PXDNL: variants seen among roughly 807,000 people sequenced by gnomAD.
The protein encoded by PXDNL is probable oxidoreductase PXDNL.
Under a neutral mutation model 150.8 loss-of-function variants are expected in PXDNL, and 145 were observed. The observed-to-expected ratio is 0.96, with a 90% CI of 0.84 to 1.10. PXDNL has a LOEUF of 1.10. PXDNL is among the 50% of genes least tolerant of loss of function. PXDNL has a pLI of 0.00. For synonymous variants in PXDNL, 757 were observed against 725.7 expected, an observed-to-expected ratio of 1.04 and a Z score of -0.69; for missense variants, 2,087 against 1,873.9, an observed-to-expected ratio of 1.11 and a Z score of -2.10.
At chr8:51,768,437 C>T (rs2037255612) in intron 1 of PXDNL, among the ~76,000 whole-genome samples, 1 of 152,014 alleles carries the variant, frequency 6.6e-6, no homozygotes, top group Admixed American at 6.6e-5. Flanking sequence ...GGTGACCTTT[C>T]TGCTATAATA....
At chr8:51,507,811 C>T (rs1811324897) in intron 4 of PXDNL, among the ~76,000 whole-genome samples, 1 of 152,136 alleles carries the variant, frequency 6.6e-6, no homozygotes, top group East Asian at 1.9e-4. Flanking sequence ...CAGGGTGTTG[C>T]TCAACGTCCT....
intron 21 of PXDNL, among the ~76,000 whole-genome samples, chr8:51,332,328 C>T (rs1031481628): frequency 6.6e-6 from 1 of 152,162 alleles, no homozygotes; most frequent in Admixed American, 6.5e-5. Context: ...ATCTGAACAA[C>T]AGCCTTCAGC....
At chr8:51,700,742 T>G (rs1382875421) in intron 1 of PXDNL, among the ~76,000 whole-genome samples, 7 of 149,690 alleles carry the variant, frequency 4.7e-5, no homozygotes, top group African/African-American at 1.7e-4. Context: ...ACACATACAC[T>G]TATACATACT....
At position 51,408,423 on chromosome 8, in the gene PXDNL, C is replaced by A; in HGVS notation, c.3201G>T (p.Leu1067=). The change falls in exon 17 of 23, where the codon CTG becomes CTT. Residue 1067 remains leucine (L), a synonymous_variant. Coordinates refer to ENST00000356297, the MANE Select transcript of PXDNL (RefSeq NM_144651.5). ...CGGAAATTTCACCTAAGGTGGCATT[C>A]AGTCGGTAAAGAATAGGATTGATTA... is the stretch of plus-strand genomic sequence containing the variant. ...HTLINPILYR[L]NATLGEISEG... The A allele has an allele frequency of 6.2e-7, 1 of 1,614,038 alleles. No individual in the cohort carries two copies. Among genetic ancestry groups the A allele is most frequent in the Non-Finnish European group, 8.5e-7 (1 of 1,179,890 alleles).
intron 4 of PXDNL, among the ~76,000 whole-genome samples, chr8:51,529,191 G>A (rs1264476688): frequency 6.6e-6 from 1 of 152,132 alleles, no homozygotes; most frequent in Non-Finnish European, 1.5e-5. Flanking sequence ...AAAAATATTT[G>A]TCAGAGTTTG....
chr8:51,513,620 CTATAAA>C (rs1811472407), intron 4 of PXDNL, among the ~76,000 whole-genome samples: 1 of 152,224 alleles, frequency 6.6e-6, no homozygotes, highest in Admixed American at 6.5e-5. Flanking sequence ...GAAACATTTT[CTATAAA>C]TATATTTTCT....
rs755926221 is a variant in PXDNL, at chr8:51,408,625, T to C, written c.2999A>G (p.Glu1000Gly). 19 of 1,609,806 alleles carry C rather than the reference T, an allele frequency of 1.2e-5. No homozygotes were observed. Among genetic ancestry groups the C allele is most frequent in the Non-Finnish European group, 1.2e-5 (14 of 1,178,152 alleles). ...CTCCGCGCCCACGATCTTCCTGGCT[T>C]CCTGGTAAACCGTGTTTCCCTCCCA... ...PHWEGNTVYQ[E>G]ARKIVGAELQ... The change falls in exon 17 of 23, where the codon GAA becomes GGA. Residue 1000 changes from glutamate (E) to glycine (G), a missense_variant. Glu to Gly is a moderately conservative substitution (Grantham distance 98). Transcript: ENST00000356297.
intron 2 of PXDNL, among the ~76,000 whole-genome samples, chr8:51,646,961 C>A (rs1814933845): frequency 6.6e-6 from 1 of 151,992 alleles, no homozygotes; most frequent in Non-Finnish European, 1.5e-5. Flanking sequence ...CCTGGGAGTG[C>A]AAATGTCTAT....
Position 51,320,893 on chromosome 8 carries a change from T to A in PXDNL, c.4151A>T (p.Asn1384Ile). 6.2e-7 allele frequency: 1 copy of A among 1,611,902 alleles called. No homozygotes were observed. Residue 1384 changes from asparagine (N) to isoleucine (I), a missense_variant, in exon 22 of 23, where the codon AAC (asparagine) becomes ATC (isoleucine). By Grantham distance (149) the Asn-to-Ile change is moderately radical. Coordinates refer to ENST00000356297, the MANE Select transcript of PXDNL (RefSeq NM_144651.5). ...ETITALREQINKLEARLRQAG... is the reference protein window; with the variant it reads ...ETITALREQIIKLEARLRQAG... Reference sequence around the variant, plus strand: ...CTGCCTCAGGCGTGCCTCCAGCTTGTTTATCTGAAAGGGGAGGCAAAGGAA... The same window carrying A: ...CTGCCTCAGGCGTGCCTCCAGCTTGATTATCTGAAAGGGGAGGCAAAGGAA...
At chr8:51,717,465 G>GGAC (rs1816637731) in intron 1 of PXDNL, among the ~76,000 whole-genome samples, 1 of 152,152 alleles carries the variant, frequency 6.6e-6, no homozygotes, top group African/African-American at 2.4e-5. Flanking sequence ...AGATAAAAGG[G>GGAC]GACACATCTG....
At chr8:51,362,608 AAT>A (rs1227126150) in intron 19 of PXDNL, among the ~76,000 whole-genome samples, 1 of 152,138 alleles carries the variant, frequency 6.6e-6, no homozygotes, top group Non-Finnish European at 1.5e-5. Context: ...CTGATGATAC[AAT>A]ATTTAGGTCT....
Position 51,806,131 on chromosome 8 carries a change from T to C in PXDNL, c.164+3050A>G, listed in dbSNP as rs144630187. Among the ~76,000 whole-genome samples, 204 of 152,338 alleles carry C rather than the reference T, an allele frequency of 1.3e-3. 1 individual carries two copies. The highest frequency in any genetic ancestry group is 4.7e-3 in the African/African-American group (195 of 41,580). On this transcript the variant is annotated intron_variant, in intron 1 of 22. Transcript: ENST00000356297. ...TTGGAGGGACAGTTTTGCATTTTTC[T>C]AAACTTAAAACCCTGATCAACTGTA...
At chr8:51,800,511 CT>C (rs2037607238) in intron 1 of PXDNL, among the ~76,000 whole-genome samples, 1 of 152,144 alleles carries the variant, frequency 6.6e-6, no homozygotes, top group Non-Finnish European at 1.5e-5. Context: ...CACAGGCAGA[CT>C]CAGTGTGGAG....
At chr8:51,342,097 T>A (rs972026) in intron 20 of PXDNL, among the ~76,000 whole-genome samples, 5 of 152,008 alleles carry the variant, frequency 3.3e-5, no homozygotes, top group Non-Finnish European at 7.4e-5. Context: ...TATTGTACAC[T>A]GACAAATGTG....
At chr8:51,483,603 T>C (rs938379408) in intron 6 of PXDNL, 40 bp downstream of exon 6, 2 of 1,253,382 alleles carry the variant, frequency 1.6e-6, no homozygotes, top group African/African-American at 3.0e-5. Flanking sequence ...TGGAGGAAAT[T>C]ATAAAAGGTT....
intron 4 of PXDNL, among the ~76,000 whole-genome samples, chr8:51,510,726 T>A (rs924499492): frequency 4.6e-5 from 7 of 152,198 alleles, no homozygotes; most frequent in African/African-American, 1.7e-4. Context: ...CCGGCCACTA[T>A]GGTTCACACC....
rs545464420 is a variant in PXDNL at position 51,339,953 on chromosome 8, A to G, written c.4017-200T>C. 677 of 455,366 alleles carry G rather than the reference A, an allele frequency of 1.5e-3. 1 individual carries two copies. Among genetic ancestry groups the G allele is most frequent in the Non-Finnish European group, 2.2e-3 (561 of 259,468 alleles). 28.2% of individuals were successfully genotyped at this position (455,366 alleles called of 1,614,324 possible). On this transcript the variant is annotated intron_variant, in intron 20 of 22. Transcript: ENST00000356297. ...AGATAAGATGATAATCCAGAGTGTC[A>G]CATCTGGTTCATGTAATTTATCTAA...
intron 20 of PXDNL, among the ~76,000 whole-genome samples, chr8:51,342,985 A>G (rs913724270): frequency 2.0e-5 from 3 of 152,012 alleles, no homozygotes; most frequent in African/African-American, 7.2e-5. Context: ...TTTACATTTT[A>G]GACAATTTGG....
At chr8:51,512,117 C>A (rs763966478) in intron 4 of PXDNL, among the ~76,000 whole-genome samples, 3 of 152,136 alleles carry the variant, frequency 2.0e-5, no homozygotes, top group Non-Finnish European at 4.4e-5. Flanking sequence ...GGCAGGTGTG[C>A]ACAATTTATA....
Sources: gnomAD v4.1 joint callset for allele counts (sites outside exome capture counted in the v4.1 genomes callset) on GRCh38, gnomAD v4.1.1 for gene constraint, MANE v1.5 for transcripts, NCBI Gene and HGNC (gene_info 2026-07-23, HGNC 2026-07-21) for gene names.